PPARGC1A: variants seen among roughly 807,000 people sequenced by gnomAD.
PPARGC1A encodes the protein peroxisome proliferator-activated receptor gamma coactivator 1-alpha.
PPARGC1A carries 25 observed loss-of-function variants against 88.7 expected under a neutral mutation model. The ratio of observed to expected loss-of-function variants is 0.28; its 90% confidence interval spans 0.21 to 0.39. The LOEUF is 0.39. PPARGC1A is among the 10% of genes least tolerant of loss of function. The pLI is 1.00. For missense variants in PPARGC1A, 880 were observed against 968.7 expected, an observed-to-expected ratio of 0.91 and a Z score of 1.22; for synonymous variants, 363 against 355.6, an observed-to-expected ratio of 1.02 and a Z score of -0.24.
the PPARGC1A span, among the ~76,000 whole-genome samples, chr4:24,136,195 T>G: frequency 6.6e-6 from 1 of 152,212 alleles, no homozygotes. Context: ...TGAACTGTTT[T>G]AAGATTATGA....
chr4:24,466,886 CA>C, the PPARGC1A span, among the ~76,000 whole-genome samples: 454 of 68,268 alleles, frequency 6.7e-3, 13 homozygotes, highest in African/African-American at 0.022. Flanking sequence ...TGCACACCAG[CA>C]AAAAAAAAAA....
the PPARGC1A span, among the ~76,000 whole-genome samples, chr4:24,338,541 C>T: frequency 2.6e-5 from 4 of 152,136 alleles, no homozygotes; most frequent in Non-Finnish European, 4.4e-5. Flanking sequence ...CTCAAGTTTC[C>T]TAGAAGCACA....
intron 2 of PPARGC1A, among the ~76,000 whole-genome samples, chr4:23,834,509 C>T (rs1261496108): frequency 6.6e-6 from 1 of 151,684 alleles, no homozygotes; most frequent in Non-Finnish European, 1.5e-5. Context: ...AACAACCAAA[C>T]CTCTAGTTTA....
chr4:23,920,049 G>C, the PPARGC1A span, among the ~76,000 whole-genome samples: 2 of 152,212 alleles, frequency 1.3e-5, no homozygotes, highest in Non-Finnish European at 2.9e-5. Flanking sequence ...TTTGACCCTT[G>C]AGGTCCACGT....
At chr4:23,994,982 G>A in the PPARGC1A span, among the ~76,000 whole-genome samples, 1 of 152,160 alleles carries the variant, frequency 6.6e-6, no homozygotes, top group African/African-American at 2.4e-5. Flanking sequence ...ATTTACGAGG[G>A]TATGTTTGAA....
chr4:24,175,640 G>C, the PPARGC1A span, among the ~76,000 whole-genome samples: 1 of 148,362 alleles, frequency 6.7e-6, no homozygotes, highest in Non-Finnish European at 1.5e-5. Flanking sequence ...TGCCCGCCTC[G>C]GCGTCCCAAA....
chr4:24,297,686 T>C, the PPARGC1A span, among the ~76,000 whole-genome samples: 1 of 152,160 alleles, frequency 6.6e-6, no homozygotes, highest in East Asian at 1.9e-4. Flanking sequence ...GTGAGATCCC[T>C]CACATTTTTA....
chr4:24,327,411 T>C, the PPARGC1A span, among the ~76,000 whole-genome samples: 19 of 152,330 alleles, frequency 1.2e-4, no homozygotes, highest in African/African-American at 4.6e-4. Flanking sequence ...CACTCTTAAC[T>C]CTTGAAGTAA....
At chr4:24,289,242 A>AAAAAAAAG in the PPARGC1A span, among the ~76,000 whole-genome samples, 4 of 95,800 alleles carry the variant, frequency 4.2e-5, no homozygotes, top group Admixed American at 1.4e-4. Context: ...AAAAAAAAAA[A>AAAAAAAAG]AGAGAGAGAG....
the PPARGC1A span, among the ~76,000 whole-genome samples, chr4:24,191,975 T>C: frequency 6.6e-6 from 1 of 152,178 alleles, no homozygotes; most frequent in African/African-American, 2.4e-5. Flanking sequence ...TGTACAACCA[T>C]ACCAAGAAAC....
the PPARGC1A span, among the ~76,000 whole-genome samples, chr4:24,240,485 T>C: frequency 6.6e-6 from 1 of 152,162 alleles, no homozygotes. Context: ...GCTAGTTATA[T>C]ATAAACCCTT....
the PPARGC1A span, among the ~76,000 whole-genome samples, chr4:24,197,736 C>T: frequency 1.3e-5 from 2 of 152,200 alleles, no homozygotes; most frequent in South Asian, 2.1e-4. Flanking sequence ...TGCCACAGAA[C>T]CCAACAATCC....
Position 23,889,953 on chromosome 4 carries a change from G to A in PPARGC1A, c.5C>T (p.Ala2Val), listed in dbSNP as rs771290152. 1.9e-6 allele frequency: 3 copies of A among 1,613,704 alleles called. No homozygotes were observed. Among genetic ancestry groups the A allele is most frequent in the South Asian group, 2.2e-5 (2 of 91,062 alleles). The stretch of plus-strand genomic sequence containing the variant: ...AGAGTCCTGGTTGCACATGTCCCAC[G>A]CCATCCAGCTCCTGAATGACGCCAG... M[A>V]WDMCNQDSES... The change falls in exon 1 of 13, where the codon GCG becomes GTG. Residue 2 changes from alanine (A) to valine (V), a missense_variant. Coordinates refer to ENST00000264867, the MANE Select transcript of PPARGC1A (RefSeq NM_013261.5).
At chr4:24,346,762 A>C in the PPARGC1A span, among the ~76,000 whole-genome samples, 3 of 151,628 alleles carry the variant, frequency 2.0e-5, no homozygotes, top group Admixed American at 2.0e-4. Context: ...TGTTTGTTTC[A>C]ATTTCATTTA....
the PPARGC1A span, among the ~76,000 whole-genome samples, chr4:24,395,199 AAAGT>A: frequency 5.3e-5 from 8 of 152,218 alleles, no homozygotes; most frequent in Non-Finnish European, 1.0e-4. Flanking sequence ...AGGAAAACTC[AAAGT>A]AAGGACCCTG....
the PPARGC1A span, among the ~76,000 whole-genome samples, chr4:24,303,596 T>C: frequency 6.6e-6 from 1 of 152,224 alleles, no homozygotes. Context: ...AGAAATTCAA[T>C]TACATTTCAA....
chr4:24,176,371 T>G, the PPARGC1A span, among the ~76,000 whole-genome samples: 1,660 of 152,214 alleles, frequency 0.011, 21 homozygotes, highest in Non-Finnish European at 0.017. Context: ...TGATCCTCCT[T>G]GCTGACCCAT....
chr4:24,297,463 C>A, the PPARGC1A span, among the ~76,000 whole-genome samples: 1 of 152,128 alleles, frequency 6.6e-6, no homozygotes, highest in Non-Finnish European at 1.5e-5. Context: ...CACAATTTAC[C>A]TTCATGAGCC....
At chr4:24,429,138 G>A in the PPARGC1A span, among the ~76,000 whole-genome samples, 2 of 152,042 alleles carry the variant, frequency 1.3e-5, no homozygotes, top group Non-Finnish European at 2.9e-5. Flanking sequence ...ACACAAAAGT[G>A]GTAAAAAAAG....
Sources: allele counts gnomAD v4.1 joint callset (sites outside exome capture counted in the v4.1 genomes callset), GRCh38; gene constraint gnomAD v4.1.1; transcripts MANE v1.5; gene names NCBI Gene and HGNC (gene_info 2026-07-23, HGNC 2026-07-21).